The following SLC43A3 variants were observed in gnomAD, a reference collection of about 807,000 sequenced individuals.
SLC43A3 encodes the protein solute carrier family 43 member 3.
SLC43A3 carries 33 observed loss-of-function variants against 53.3 expected under a neutral mutation model. That is an observed-to-expected ratio of 0.62 (90% confidence interval 0.47 to 0.83). The LOEUF (loss-of-function observed/expected upper bound fraction) is 0.83, where lower values mean the gene tolerates loss of function less well. Ranked by LOEUF, SLC43A3 falls within the 40% of genes least tolerant of loss-of-function variation. SLC43A3 has a pLI of 0.00. For synonymous variants in SLC43A3, 236 were observed against 246.2 expected (o/e 0.96, Z 0.39); for missense variants, 530 against 610.0 (o/e 0.87, Z 1.38).
rs765192647 is a variant in SLC43A3, at chr11:57,410,072, G to A, written c.1110C>T (p.Ala370=). The change falls in exon 12 of 14, where the codon GCC becomes GCT. Residue 370 remains alanine, a synonymous_variant. Transcript: ENST00000395124. ...VALCSTVPSL[A]LTSLLCLGFA... ...AGCCCAGGCACAGCAGGGATGTCAG[G>A]GCCAGCGAAGGCACCGTCGAGCAGA... 3.1e-6 allele frequency: 5 copies of A among 1,611,486 alleles called. No homozygotes were observed. In the African/African-American group the frequency reaches 6.7e-5, roughly 22 times the overall value.
chr11:57,418,281 T>C (rs6591426), intron 7 of SLC43A3, among the ~76,000 whole-genome samples: 19,131 of 151,164 alleles, frequency 0.13, 2,636 homozygotes, highest in African/African-American at 0.35. Context: ...CTGCAGTGAG[T>C]CATGACTGGG....
chr11:57,407,778 T>C lies in SLC43A3; in HGVS notation c.*14A>G. 6.5e-7 allele frequency: 1 copy of C among 1,547,502 alleles called. No individual in the cohort carries two copies. The highest frequency in any genetic ancestry group is 2.2e-5 in the East Asian group (1 of 44,530). ...CAAAACCATCCTCGGGGCTGAAAAGTGAGGGCTTCTGAACTATGCAATTGC... is the reference window on the plus strand; with the variant it reads ...CAAAACCATCCTCGGGGCTGAAAAGCGAGGGCTTCTGAACTATGCAATTGC... On this transcript the variant is annotated 3_prime_UTR_variant, in exon 14 of 14. Coordinates refer to ENST00000395124, the MANE Select transcript of SLC43A3 (RefSeq NM_199329.3).
chr11:57,419,698 A>T (rs1942896056), intron 7 of SLC43A3, among the ~76,000 whole-genome samples: 1 of 152,026 alleles, frequency 6.6e-6, no homozygotes, highest in African/African-American at 2.4e-5. Flanking sequence ...CAGGAGGCTG[A>T]GGCAGGAGAA....
rs779111381 is a variant in SLC43A3 at position 57,407,904 on chromosome 11, G to A, written c.1372-8C>T. The A allele has an allele frequency of 7.0e-6, 11 of 1,579,496 alleles. No homozygotes were observed. Among genetic ancestry groups the A allele is most frequent in the Non-Finnish European group, 9.6e-6 (11 of 1,148,596 alleles). ...CATGAACATCACATTCACCTGCAGG[G>A]AGAGCAGAAGTGAGGTGAAATCCAG... On this transcript the variant is annotated splice_region_variant and splice_polypyrimidine_tract_variant and intron_variant, in intron 13 of 13. Coordinates refer to ENST00000395124, the MANE Select transcript of SLC43A3 (RefSeq NM_199329.3).
chr11:57,418,104 G>A (rs977955213), intron 7 of SLC43A3, among the ~76,000 whole-genome samples: 3 of 152,174 alleles, frequency 2.0e-5, no homozygotes, highest in African/African-American at 7.2e-5. Context: ...TGGGACGCAC[G>A]AGGATCACCT....
In SLC43A3 at chr11:57,417,749, C is replaced by T; in HGVS notation, c.670G>A (p.Gly224Ser). Residue 224 changes from glycine (G) to serine (S), a missense_variant and splice_region_variant, in exon 8 of 14, where the codon GGC becomes AGC. Physicochemically the swap from Gly to Ser is moderately conservative, Grantham distance 56. Transcript: ENST00000395124. Reference sequence around the variant, plus strand: ...CCACAATCACCAGATAGTCCTTACCCATAGCTGTAGTTGGGGGGCAGTGGG... The same window carrying T: ...CCACAATCACCAGATAGTCCTTACCTATAGCTGTAGTTGGGGGGCAGTGGG... ...PYPLPPNYSY[G>S]LCPGNGTTKE... 6.2e-7 allele frequency: 1 copy of T among 1,614,110 alleles called. No homozygotes were observed. The highest frequency in any genetic ancestry group is 1.1e-5 in the South Asian group (1 of 91,066).
chr11:57,408,798 T>C (rs564673259), intron 13 of SLC43A3: 1 of 205,554 alleles, frequency 4.9e-6, no homozygotes, highest in Admixed American at 5.2e-5. Flanking sequence ...GACCACCTCC[T>C]AGAGCAGGAC....
In SLC43A3 at chr11:57,410,022, A is replaced by T; in HGVS notation, c.1160T>A (p.Ile387Asn). The change falls in exon 12 of 14, where the codon ATC becomes AAC. Residue 387 changes from isoleucine to asparagine, a missense_variant. Physicochemically the swap from Ile to Asn is moderately radical, Grantham distance 149. Transcript: ENST00000395124. ...LGFALCASVP[I>N]LPLQYLTFIL... Reference sequence around the variant, plus strand: ...GAAGGTGAGGTACTGGAGAGGGAGGATGGGGACTGAGGCACAGAGGGCGAA... The same window carrying T: ...GAAGGTGAGGTACTGGAGAGGGAGGTTGGGGACTGAGGCACAGAGGGCGAA... 6.2e-7 allele frequency: 1 copy of T among 1,613,256 alleles called. No individual in the cohort carries two copies.
intron 13 of SLC43A3, 126 bp from the exon 14 acceptor site, chr11:57,408,022 C>G (rs1204200168): frequency 1.6e-6 from 1 of 636,684 alleles, no homozygotes; most frequent in Admixed American, 2.8e-5. Flanking sequence ...AGTTTATATT[C>G]TACTTTTCAC....
chr11:57,409,069 G>A, intron 13 of SLC43A3, 106 bp downstream of exon 13: 1 of 1,116,896 alleles, frequency 9.0e-7, no homozygotes, highest in Non-Finnish European at 1.3e-6. Context: ...GACCCTTTGG[G>A]AAGCTGCACC....
intron 7 of SLC43A3, among the ~76,000 whole-genome samples, chr11:57,418,739 A>T (rs1942837604): frequency 6.6e-6 from 1 of 151,834 alleles, no homozygotes; most frequent in Admixed American, 6.6e-5. Context: ...AAAATACAAA[A>T]ATTAGTGGGG....
rs762938193 is a variant in SLC43A3, at chr11:57,416,581, G to C, written c.761C>G (p.Ala254Gly). 4 of 1,612,990 alleles carry C rather than the reference G, an allele frequency of 2.5e-6. No individual in the cohort carries two copies. The highest frequency in any genetic ancestry group is 8.5e-7 in the Non-Finnish European group (1 of 1,179,188). The change falls in exon 9 of 14, where the codon GCG (alanine) becomes GGG (glycine). Residue 254 changes from alanine to glycine, a missense_variant. This residue lies in a region of SLC43A3 where 376 missense variants were observed against 386.7 expected (regional missense o/e 0.97). Transcript: ENST00000395124. ...TAGCCAGCAGGGCTCACCTTCCTTC[G>C]CTGAAAGGAACTCCTTTGACTGTAG... is the stretch of plus-strand genomic sequence containing the variant. Reference protein sequence around the residue: ...RELQSKEFLSAKEETPGAGQK... With the variant: ...RELQSKEFLSGKEETPGAGQK...
At chr11:57,414,013 C>T in intron 11 of SLC43A3, among the ~76,000 whole-genome samples, 1 of 152,212 alleles carries the variant, frequency 6.6e-6, no homozygotes, top group South Asian at 2.1e-4. Context: ...CCCCCCATGG[C>T]CCCCTGTGGG....
chr11:57,420,443 G>A (rs1211739607), intron 7 of SLC43A3, among the ~76,000 whole-genome samples: 1 of 152,164 alleles, frequency 6.6e-6, no homozygotes, highest in Non-Finnish European at 1.5e-5. Context: ...TCACTGCCCA[G>A]ATAAAACTGT....
Position 57,414,644 on chromosome 11 carries a change from T to C in SLC43A3, c.1031A>G (p.Gln344Arg). ...CTTTCTTGCTTCCTTCTGGTACTTCTGTTTAAGCCGGTCCATGAGCAGGCC... is the reference window on the plus strand; with the variant it reads ...CTTTCTTGCTTCCTTCTGGTACTTCCGTTTAAGCCGGTCCATGAGCAGGCC... ...WNGLLMDRLK[Q>R]KYQKEARKTG... Residue 344 changes from glutamine to arginine, a missense_variant, in exon 11 of 14, where the codon CAG becomes CGG. Gln to Arg is a conservative substitution (Grantham distance 43, BLOSUM62 1). Around this residue, in one of 3 missense-constraint regions of SLC43A3, gnomAD observed 376 missense variants for 386.7 expected, o/e 0.97. Coordinates refer to ENST00000395124, the MANE Select transcript of SLC43A3 (RefSeq NM_199329.3). The C allele has an allele frequency of 6.2e-7, 1 of 1,613,816 alleles. No homozygotes were observed. Among genetic ancestry groups the C allele is most frequent in the Non-Finnish European group, 8.5e-7 (1 of 1,179,760 alleles).
chr11:57,425,390 G>A, intron 4 of SLC43A3, 151 bp downstream of exon 4: 3 of 728,990 alleles, frequency 4.1e-6, no homozygotes, highest in Non-Finnish European at 7.0e-6. Context: ...CGCTGCCTGG[G>A]GCTGTTCCTA....
chr11:57,426,975 T>G (rs1943222608), intron 1 of SLC43A3, 87 bp downstream of exon 1: 1 of 152,200 alleles, frequency 6.6e-6, no homozygotes, highest in Admixed American at 6.5e-5. Context: ...CGCTCCAGCC[T>G]GCGGCCTGCC....
chr11:57,414,814 C>T (rs1942642408), intron 10 of SLC43A3, 83 bp from the exon 11 acceptor site: 3 of 1,518,518 alleles, frequency 2.0e-6, no homozygotes, highest in East Asian at 4.5e-5. Context: ...TTACCCTTGT[C>T]TGCATGTCCC....
intron 9 of SLC43A3, 86 bp downstream of exon 9, chr11:57,416,487 G>T: frequency 9.9e-7 from 1 of 1,011,024 alleles, no homozygotes. Flanking sequence ...CTGGGTCCCT[G>T]GGGGAGCTCT....
Sources: allele counts gnomAD v4.1 joint callset (sites outside exome capture counted in the v4.1 genomes callset), GRCh38; gene constraint gnomAD v4.1.1; regional missense constraint gnomAD v4.1.1; transcripts MANE v1.5; gene names NCBI Gene and HGNC (gene_info 2026-07-23, HGNC 2026-07-21).